ZSWIM4: variants seen among roughly 807,000 people sequenced by gnomAD.
ZSWIM4 encodes the protein zinc finger SWIM domain-containing protein 4.
Under a neutral mutation model 102.5 loss-of-function variants are expected in ZSWIM4, and 62 were observed. That is an observed-to-expected ratio of 0.60 (90% CI 0.49 to 0.75). The LOEUF is 0.75. ZSWIM4 is among the 30% of genes least tolerant of loss of function. The pLI, the probability that ZSWIM4 is intolerant of heterozygous loss-of-function variation, is 0.00. For synonymous variants in ZSWIM4, 652 were observed against 674.5 expected, an observed-to-expected ratio of 0.97 and a Z score of 0.52; for missense variants, 1,280 against 1,529.6, an observed-to-expected ratio of 0.84 and a Z score of 2.72.
At chr19:13,811,857 T>C (rs751524589) in intron 5 of ZSWIM4, among the ~76,000 whole-genome samples, 4 of 152,040 alleles carry the variant, frequency 2.6e-5, no homozygotes, top group Non-Finnish European at 5.9e-5. Context: ...GGCAGATCAC[T>C]TGAGGTCAGG....
intron 7 of ZSWIM4, chr19:13,815,456 ATTTTTTTTTTTTTTTTT>A (rs758486796): frequency 8.6e-5 from 5 of 58,160 alleles, no homozygotes; most frequent in African/African-American, 3.9e-4. Context: ...GTGCCTGGAA[ATTTTTTTTTTTTTTTTT>A]TTTTTTTTTT....
rs756828111 is a variant in ZSWIM4, at chr19:13,804,784, G to C, written c.356-8G>C. The C allele has an allele frequency of 2.6e-6, 4 of 1,565,414 alleles. No homozygotes were observed. The highest frequency in any genetic ancestry group is 1.7e-6 in the Non-Finnish European group (2 of 1,153,298). On this transcript the variant is annotated splice_polypyrimidine_tract_variant and splice_region_variant and intron_variant, in intron 2 of 13. Transcript: ENST00000590508. Reference sequence around the variant, plus strand: ...GACACGGATGCGACAGTTTGGCTTTGATCCTAGGATTCCACCTGAGCGGAA... The same window carrying C: ...GACACGGATGCGACAGTTTGGCTTTCATCCTAGGATTCCACCTGAGCGGAA...
At position 13,808,818 on chromosome 19, in the gene ZSWIM4, T is replaced by TTCCC; in HGVS notation, c.713-9_713-6dup. On this transcript the variant is annotated splice_polypyrimidine_tract_variant and intron_variant, in intron 3 of 13. Transcript: ENST00000590508. ...ACTCCAGCCCCAGCCTCAGCTTCCT[T>TTCCC]TCCCTCCCTCCCGGCAGGTGCCCCA... 3.2e-6 allele frequency: 5 copies of TTCCC among 1,583,898 alleles called. No individual in the cohort carries two copies. The highest frequency in any genetic ancestry group is 2.3e-5 in the South Asian group (2 of 87,700).
rs1332097081 is a variant in ZSWIM4 at position 13,830,229 on chromosome 19, T to C, written c.2500T>C (p.Ser834Pro). Reference sequence around the variant, plus strand: ...GATGAATATCATGCAGAACTGGTATTCCTTATTCACACCAGTGGAGGCGGC... The same window carrying C: ...GATGAATATCATGCAGAACTGGTATCCCTTATTCACACCAGTGGAGGCGGC... The part of the protein sequence containing the change: ...ALMNIMQNWY[S>P]LFTPVEAATI... Residue 834 changes from serine (S) to proline (P), a missense_variant, in exon 14 of 14, where the codon TCC becomes CCC. Transcript: ENST00000590508. The C allele has an allele frequency of 6.2e-7, 1 of 1,613,830 alleles. No homozygotes were observed. Among genetic ancestry groups the C allele is most frequent in the South Asian group, 1.1e-5 (1 of 91,072 alleles).
chr19:13,813,579 T>C (rs1975170468), intron 6 of ZSWIM4, among the ~76,000 whole-genome samples: 1 of 150,662 alleles, frequency 6.6e-6, no homozygotes, highest in Non-Finnish European at 1.5e-5. Context: ...GAGGAGCAGA[T>C]AGGAAGGAAG....
Position 13,831,255 on chromosome 19 carries a change from A to G in ZSWIM4, c.*205A>G, listed in dbSNP as rs965181859. ...GTGCAAGACTCCAGAAGCAGAAGCC[A>G]TACTGCCACCCAGAAGCCTGGAAGG... On this transcript the variant is annotated 3_prime_UTR_variant, in exon 14 of 14. Coordinates refer to ENST00000590508, the MANE Select transcript of ZSWIM4 (RefSeq NM_001367834.3). 15 of 634,450 alleles carry G rather than the reference A, an allele frequency of 2.4e-5. No individual in the cohort carries two copies. The highest frequency in any genetic ancestry group is 3.6e-5 in the Non-Finnish European group (14 of 392,964). The allele number at this position is 634,450 out of a possible 1,614,324, so 39.3% of individuals were successfully genotyped here.
chr19:13,825,608 G>A lies in ZSWIM4; in HGVS notation c.2274G>A (p.Pro758=), dbSNP rs147043520. ...LGSIQQNIHS[P]ALLFKLAQDA... is the part of the protein sequence containing the mutation. ...CCATCCAGCAGAACATCCACTCTCCGGCCCTGCTCTTTAAGCTGGCGCAGG... is the reference window on the plus strand; with the variant it reads ...CCATCCAGCAGAACATCCACTCTCCAGCCCTGCTCTTTAAGCTGGCGCAGG... The change falls in exon 12 of 14, where the codon CCG becomes CCA. Residue 758 remains proline, a synonymous_variant. Coordinates refer to ENST00000590508, the MANE Select transcript of ZSWIM4 (RefSeq NM_001367834.3). The surrounding 1 kb of genome is among the most constrained non-coding windows in gnomAD (Gnocchi z 4.6). 45 of 1,614,046 alleles carry A rather than the reference G, an allele frequency of 2.8e-5. No individual in the cohort carries two copies. Among genetic ancestry groups the A allele is most frequent in the South Asian group, 3.3e-5 (3 of 91,092 alleles).
At chr19:13,828,332 CG>C (rs1975665940) in intron 12 of ZSWIM4, among the ~76,000 whole-genome samples, 1 of 151,648 alleles carries the variant, frequency 6.6e-6, no homozygotes, top group South Asian at 2.1e-4. Context: ...TGCTTGAACT[CG>C]GGAGGCGGAG....
chr19:13,802,944 T>C (rs1217459289), intron 2 of ZSWIM4, among the ~76,000 whole-genome samples: 17 of 152,168 alleles, frequency 1.1e-4, no homozygotes, highest in Non-Finnish European at 2.9e-5. Flanking sequence ...ACAAAAGGGC[T>C]GCAGAGACTG....
At position 13,817,331 on chromosome 19, in the gene ZSWIM4, G is replaced by A. The variant is rs763524791; in HGVS notation, c.1647G>A (p.Glu549=). 1 of 1,613,896 alleles carries A rather than the reference G, an allele frequency of 6.2e-7. No homozygotes were observed. Among genetic ancestry groups the A allele is most frequent in the South Asian group, 1.1e-5 (1 of 91,066 alleles). Residue 549 remains glutamate, a synonymous_variant, in exon 8 of 14, where the codon GAG becomes GAA. Coordinates refer to ENST00000590508, the MANE Select transcript of ZSWIM4 (RefSeq NM_001367834.3). The part of the protein sequence containing the change: ...RALLEACRLE[E]ETLTLYPDSG... The stretch of plus-strand genomic sequence containing the variant: ...TCCTGGAGGCCTGTCGTCTGGAGGA[G>A]GAGACACTTACCCTTTACCCAGGTA...
At chr19:13,806,728 G>C (rs1231492926) in intron 3 of ZSWIM4, among the ~76,000 whole-genome samples, 1 of 152,030 alleles carries the variant, frequency 6.6e-6, no homozygotes, top group African/African-American at 2.4e-5. Context: ...AGGATGAGTG[G>C]TTGGGTGGGG....
Position 13,799,796 on chromosome 19 carries a change from G to C in ZSWIM4, c.230G>C (p.Arg77Pro), listed in dbSNP as rs758577363. The C allele has an allele frequency of 1.2e-6, 2 of 1,614,034 alleles. No homozygotes were observed. The highest frequency in any genetic ancestry group is 1.1e-5 in the South Asian group (1 of 91,086). Residue 77 changes from arginine (R) to proline (P), a missense_variant, in exon 2 of 14, where the codon CGG becomes CCG. Arg to Pro is a moderately radical substitution (Grantham distance 103). Coordinates refer to ENST00000590508, the MANE Select transcript of ZSWIM4 (RefSeq NM_001367834.3). Reference protein sequence around the residue: ...IVFWSFPRSEREICMYSSLGY... With the variant: ...IVFWSFPRSEPEICMYSSLGY... ...TTTTGGTCGTTTCCACGCAGTGAAC[G>C]GGAAATATGTATGTACTCGTCGCTG...
rs771544136 is a variant in ZSWIM4, at chr19:13,830,754, G to A, written c.3025G>A (p.Gly1009Ser). The A allele has an allele frequency of 7.5e-6, 12 of 1,607,112 alleles. No homozygotes were observed. In the Admixed American group the frequency reaches 8.4e-5, roughly 11 times the overall value. ...ILRRWTLSAPGLGPLGARRAA... is the reference protein window; with the variant it reads ...ILRRWTLSAPSLGPLGARRAA... ...GCGCCGCTGGACTCTCTCGGCGCCC[G>A]GTCTGGGCCCCTTAGGGGCACGCCG... The change falls in exon 14 of 14, where the codon GGT becomes AGT. Residue 1009 changes from glycine (G) to serine (S), a missense_variant. Physicochemically the swap from Gly to Ser is moderately conservative, Grantham distance 56. Coordinates refer to ENST00000590508, the MANE Select transcript of ZSWIM4 (RefSeq NM_001367834.3).
At chr19:13,808,716 G>C in intron 3 of ZSWIM4, 120 bp from the exon 4 acceptor site, 1 of 1,116,602 alleles carries the variant, frequency 9.0e-7, no homozygotes, top group Non-Finnish European at 1.2e-6. Context: ...TCCAGCCTGG[G>C]CAAGAAGAGC....
In ZSWIM4 at chr19:13,812,979, T is replaced by C; in HGVS notation, c.1013-18T>C. 6.3e-7 allele frequency: 1 copy of C among 1,587,022 alleles called. No homozygotes were observed. Among genetic ancestry groups the C allele is most frequent in the Middle Eastern group, 1.8e-4 (1 of 5,536 alleles). ...CCACTGTTGGCAGGAATATTGAGCC[T>C]GCCCCGTGCCTCCTCAGGGGCCCTG... On this transcript the variant is annotated intron_variant, in intron 5 of 13. Transcript: ENST00000590508.
chr19:13,800,840 C>T (rs1462677276), intron 2 of ZSWIM4, among the ~76,000 whole-genome samples: 1 of 152,064 alleles, frequency 6.6e-6, no homozygotes, highest in East Asian at 1.9e-4. Flanking sequence ...CACATCAGAG[C>T]CCATGTAAAG....
At chr19:13,801,078 G>A (rs989721845) in intron 2 of ZSWIM4, among the ~76,000 whole-genome samples, 1 of 151,930 alleles carries the variant, frequency 6.6e-6, no homozygotes, top group Non-Finnish European at 1.5e-5. Flanking sequence ...GAGAGGTCGA[G>A]CCTGCAGTAA....
intron 9 of ZSWIM4, 74 bp from the exon 10 acceptor site, chr19:13,819,283 T>G: frequency 6.3e-7 from 1 of 1,579,818 alleles, no homozygotes; most frequent in Non-Finnish European, 8.6e-7. Flanking sequence ...ACTTAAAGCC[T>G]GGGGTCTAGT....
intron 5 of ZSWIM4, among the ~76,000 whole-genome samples, chr19:13,810,384 C>G (rs1261801725): frequency 6.6e-6 from 1 of 151,994 alleles, no homozygotes; most frequent in Non-Finnish European, 1.5e-5. Flanking sequence ...CCTCCACCTC[C>G]TGGGTTCAAA....
Sources: gnomAD v4.1 joint callset for allele counts (sites outside exome capture counted in the v4.1 genomes callset) on GRCh38, gnomAD v4.1.1 for gene constraint, Gnocchi (gnomAD v3.1) non-coding constraint, MANE v1.5 for transcripts, NCBI Gene and HGNC (gene_info 2026-07-23, HGNC 2026-07-21) for gene names.